The following PLCB1 variants were observed in gnomAD, a reference collection of about 807,000 sequenced individuals.
The protein encoded by PLCB1 is 1-phosphatidylinositol 4,5-bisphosphate phosphodiesterase beta-1.
A neutral mutation model predicts 161.8 loss-of-function variants in PLCB1; 46 were observed. The observed-to-expected ratio is 0.28, with a 90% CI of 0.22 to 0.36. PLCB1 has a LOEUF of 0.36. PLCB1 is among the 10% of genes least tolerant of loss of function. The pLI is 1.00. For synonymous variants in PLCB1, 517 were observed against 503.7 expected, an observed-to-expected ratio of 1.03 and a Z score of -0.35; for missense variants, 1,016 against 1,472.5, an observed-to-expected ratio of 0.69 and a Z score of 5.07.
At chr20:8,316,327 G>A (rs1336363554) in intron 2 of PLCB1, among the ~76,000 whole-genome samples, 8 of 152,118 alleles carry the variant, frequency 5.3e-5, no homozygotes, top group Admixed American at 5.2e-4. Flanking sequence ...GAATGAGCCA[G>A]TCCTGAAAGA....
At chr20:8,409,777 G>A (rs1409679575) in intron 3 of PLCB1, among the ~76,000 whole-genome samples, 1 of 151,964 alleles carries the variant, frequency 6.6e-6, no homozygotes, top group African/African-American at 2.4e-5. Context: ...TGTATATTCT[G>A]TTAAGAGTGG....
At chr20:8,443,298 C>A (rs1231003662) in intron 3 of PLCB1, among the ~76,000 whole-genome samples, 2 of 152,100 alleles carry the variant, frequency 1.3e-5, no homozygotes, top group African/African-American at 2.4e-5. Flanking sequence ...AGTTTTAATG[C>A]AACTGGCAGT....
chr20:8,790,036 T>C (rs1459364691), intron 30 of PLCB1, 139 bp from the exon 31 acceptor site: 6 of 625,308 alleles, frequency 9.6e-6, no homozygotes, highest in Non-Finnish European at 1.7e-5. Flanking sequence ...CAGTTTCCTA[T>C]ACTTGTAAGT....
chr20:8,302,470 C>T (rs571934610), intron 2 of PLCB1, among the ~76,000 whole-genome samples: 2 of 152,194 alleles, frequency 1.3e-5, no homozygotes, highest in East Asian at 1.9e-4. Flanking sequence ...TAAACAGGCT[C>T]GATTGCGTCA....
chr20:8,568,536 A>G (rs1234569807), intron 3 of PLCB1, among the ~76,000 whole-genome samples: 1 of 152,252 alleles, frequency 6.6e-6, no homozygotes, highest in African/African-American at 2.4e-5. Flanking sequence ...CTTAAAAGTC[A>G]TAAAAATCAT....
intron 3 of PLCB1, among the ~76,000 whole-genome samples, chr20:8,608,382 T>C (rs1007920705): frequency 6.6e-6 from 1 of 152,146 alleles, no homozygotes; most frequent in Non-Finnish European, 1.5e-5. Context: ...ACAAAATTAC[T>C]CTCTTTACTC....
Position 8,788,446 on chromosome 20 carries a change from C to A in PLCB1, c.3112-3C>A, listed in dbSNP as rs774856895. 3.1e-6 allele frequency: 5 copies of A among 1,611,510 alleles called. No individual in the cohort carries two copies. Among genetic ancestry groups the A allele is most frequent in the Non-Finnish European group, 4.2e-6 (5 of 1,179,094 alleles). On this transcript the variant is annotated splice_polypyrimidine_tract_variant and splice_region_variant and intron_variant, in intron 27 of 31. Coordinates refer to ENST00000338037, the MANE Select transcript of PLCB1 (RefSeq NM_015192.4). ...ATAGCAAACTGACATTTTCTTTTTC[C>A]AGCTTATTCAAAAGTTGACGGATGT...
At chr20:8,523,465 GCTCTCTCTCTCT>G (rs1174973173) in intron 3 of PLCB1, among the ~76,000 whole-genome samples, 1 of 48,796 alleles carries the variant, frequency 2.0e-5, no homozygotes, top group Non-Finnish European at 3.6e-5. Context: ...TATATATTTG[GCTCTCTCTCTCT>G]CTCTCTCTCT....
chr20:8,766,486 G>C (rs1311895902), intron 26 of PLCB1, among the ~76,000 whole-genome samples: 1 of 152,196 alleles, frequency 6.6e-6, no homozygotes, highest in Non-Finnish European at 1.5e-5. Flanking sequence ...CTTGTGCCAG[G>C]AACAGTAAAG....
At chr20:8,761,880 C>T (rs1039531442) in intron 25 of PLCB1, among the ~76,000 whole-genome samples, 1 of 151,278 alleles carries the variant, frequency 6.6e-6, no homozygotes, top group South Asian at 2.1e-4. Flanking sequence ...AGGCGTGAGC[C>T]ACTGTGCCCC....
intron 23 of PLCB1, among the ~76,000 whole-genome samples, chr20:8,744,999 A>G (rs1334497362): frequency 6.6e-6 from 1 of 152,208 alleles, no homozygotes; most frequent in Non-Finnish European, 1.5e-5. Flanking sequence ...CATTTTTAGA[A>G]ATGTATAATA....
chr20:8,668,001 T>A (rs1273709544), intron 9 of PLCB1, among the ~76,000 whole-genome samples: 1 of 152,066 alleles, frequency 6.6e-6, no homozygotes, highest in African/African-American at 2.4e-5. Flanking sequence ...TCTGGCTCAG[T>A]CAAAACTGCC....
chr20:8,544,151 T>C (rs372457125), intron 3 of PLCB1, among the ~76,000 whole-genome samples: 6 of 152,244 alleles, frequency 3.9e-5, no homozygotes, highest in African/African-American at 1.4e-4. Flanking sequence ...AACCTGCAGA[T>C]GTACCTCGGG....
At chr20:8,864,725 T>C (rs6108205) in intron 31 of PLCB1, among the ~76,000 whole-genome samples, 64,816 of 152,042 alleles carry the variant, frequency 0.43, 15,345 homozygotes, top group East Asian at 0.78. Flanking sequence ...AACCAAGAAC[T>C]AGAACAGGCT....
rs1336536230 is a variant in PLCB1 at position 8,354,906 on chromosome 20, A to C, written c.178-16476A>C. The stretch of plus-strand genomic sequence containing the variant: ...GCAGAATTTTTTCAGTAAGGCTGTA[A>C]CGTTTAAGTGAACTTAGCTGATCCT... On this transcript the variant is annotated intron_variant, in intron 2 of 31. Coordinates refer to ENST00000338037, the MANE Select transcript of PLCB1 (RefSeq NM_015192.4). Among the ~76,000 whole-genome samples the C allele has an allele frequency of 2.0e-5, 3 of 152,208 alleles. No individual in the cohort carries two copies. In the East Asian group the frequency reaches 5.8e-4, roughly 29 times the overall value.
At chr20:8,280,575 T>A (rs548744279) in intron 2 of PLCB1, among the ~76,000 whole-genome samples, 11 of 152,226 alleles carry the variant, frequency 7.2e-5, no homozygotes, top group Admixed American at 7.2e-4. Flanking sequence ...ATTTAAACAA[T>A]ATAGCCTTCC....
chr20:8,353,737 A>G (rs1467110069), intron 2 of PLCB1, among the ~76,000 whole-genome samples: 1 of 152,152 alleles, frequency 6.6e-6, no homozygotes, highest in African/African-American at 2.4e-5. Context: ...AAAGCAAGGA[A>G]TGCCAAAGAG....
intron 3 of PLCB1, among the ~76,000 whole-genome samples, chr20:8,587,068 T>G (rs1437513272): frequency 6.6e-6 from 1 of 152,142 alleles, no homozygotes; most frequent in Non-Finnish European, 1.5e-5. Flanking sequence ...GGGAAAGTAC[T>G]TTTACCCACC....
At chr20:8,745,416 A>T (rs1981121484) in intron 23 of PLCB1, among the ~76,000 whole-genome samples, 1 of 152,176 alleles carries the variant, frequency 6.6e-6, no homozygotes, top group African/African-American at 2.4e-5. Context: ...TGTAAAGGTC[A>T]TTTCTATTTG....
Sources: gnomAD v4.1 joint callset for allele counts (sites outside exome capture counted in the v4.1 genomes callset) on GRCh38, gnomAD v4.1.1 for gene constraint, MANE v1.5 for transcripts, NCBI Gene and HGNC (gene_info 2026-07-23, HGNC 2026-07-21) for gene names.